Variants in NIM1K observed in about 807,000 individuals in gnomAD.
NIM1K encodes the protein serine/threonine-protein kinase NIM1.
NIM1K carries 35 observed loss-of-function variants against 37.1 expected under a neutral mutation model. The ratio of observed to expected loss-of-function variants is 0.94; its 90% confidence interval spans 0.72 to 1.25. The LOEUF is 1.25. Among genes scored for constraint, NIM1K ranks in the 50% most tolerant of loss-of-function variants. The pLI, the probability that NIM1K is intolerant of heterozygous loss-of-function variation, is 0.00. For missense variants in NIM1K, 564 were observed against 548.0 expected, an observed-to-expected ratio of 1.03 and a Z score of -0.29; for synonymous variants, 234 against 206.6, an observed-to-expected ratio of 1.13 and a Z score of -1.14.
At chr5:43,267,648 G>C (rs1753185412) in intron 2 of NIM1K, among the ~76,000 whole-genome samples, 1 of 152,098 alleles carries the variant, frequency 6.6e-6, no homozygotes, top group Admixed American at 6.6e-5. Flanking sequence ...TGACAACTGT[G>C]TCATATTATC....
chr5:43,217,708 A>ATTTTTTTTTTTTTTTTTTTTTTTTTT, intron 1 of NIM1K, among the ~76,000 whole-genome samples: 1 of 93,648 alleles, frequency 1.1e-5, no homozygotes, highest in Non-Finnish European at 2.0e-5. Context: ...TCCTCTGTCT[A>ATTTTTTTTTTTTTTTTTTTTTTTTTT]TTTTTTTTTT....
intron 1 of NIM1K, among the ~76,000 whole-genome samples, chr5:43,201,522 G>A: frequency 6.6e-6 from 1 of 152,198 alleles, no homozygotes; most frequent in Non-Finnish European, 1.5e-5. Context: ...TGTAATATGA[G>A]GTACAATGCT....
At chr5:43,232,113 C>T (rs1210241955) in intron 1 of NIM1K, 4 of 1,053,650 alleles carry the variant, frequency 3.8e-6, no homozygotes, top group East Asian at 3.4e-5. Flanking sequence ...TTAATGCCAA[C>T]CTTGAAGCCA....
intron 1 of NIM1K, among the ~76,000 whole-genome samples, chr5:43,208,567 A>G (rs140750551): frequency 6.6e-6 from 1 of 152,060 alleles, no homozygotes; most frequent in African/African-American, 2.4e-5. Flanking sequence ...ACGCCACTGC[A>G]TTCCAGCCTG....
At chr5:43,270,707 T>C (rs1753243174) in intron 2 of NIM1K, among the ~76,000 whole-genome samples, 1 of 152,198 alleles carries the variant, frequency 6.6e-6, no homozygotes, top group Non-Finnish European at 1.5e-5. Context: ...TCCAACAGCA[T>C]GGGTGCAGGC....
chr5:43,269,418 A>T (rs1221254187), intron 2 of NIM1K, among the ~76,000 whole-genome samples: 2 of 150,078 alleles, frequency 1.3e-5, no homozygotes, highest in South Asian at 2.1e-4. Flanking sequence ...GTGAATCCTT[A>T]TGCATTAGAT....
chr5:43,216,058 A>G (rs1252133093), intron 1 of NIM1K, among the ~76,000 whole-genome samples: 1 of 151,368 alleles, frequency 6.6e-6, no homozygotes, highest in Non-Finnish European at 1.5e-5. Flanking sequence ...ATTTGAAAAA[A>G]CCAACTCATT....
chr5:43,248,674 C>T (rs1262375504), intron 2 of NIM1K, among the ~76,000 whole-genome samples: 1 of 151,840 alleles, frequency 6.6e-6, no homozygotes, highest in Non-Finnish European at 1.5e-5. Context: ...GGAGACTGCC[C>T]CCAAGATCCA....
rs1190257854 is a variant in NIM1K, at chr5:43,279,980, C to A, written c.562C>A (p.His188Asn). 1.2e-6 allele frequency: 2 copies of A among 1,604,730 alleles called. No individual in the cohort carries two copies. The highest frequency in any genetic ancestry group is 8.5e-7 in the Non-Finnish European group (1 of 1,172,718). ...SQIVSAVKHM[H>N]ENQIIHRDLK... ...CTTTTCTCTATGTCTTCTTCCACAGCATGAAAACCAAATTATTCATAGAGA... is the reference window on the plus strand; with the variant it reads ...CTTTTCTCTATGTCTTCTTCCACAGAATGAAAACCAAATTATTCATAGAGA... The change falls in exon 4 of 4, where the codon CAT becomes AAT. Residue 188 changes from histidine (H) to asparagine (N), a missense_variant and splice_region_variant. Coordinates refer to ENST00000326035, the MANE Select transcript of NIM1K (RefSeq NM_153361.4).
intron 1 of NIM1K, among the ~76,000 whole-genome samples, chr5:43,234,235 GTCATTCTT>G (rs536409761): frequency 7.6e-5 from 8 of 105,562 alleles, no homozygotes; most frequent in East Asian, 2.6e-4. Flanking sequence ...GTCATGTCGT[GTCATTCTT>G]TCATTCATTC....
intron 2 of NIM1K, among the ~76,000 whole-genome samples, chr5:43,273,456 G>A (rs919090346): frequency 2.6e-5 from 4 of 152,008 alleles, no homozygotes; most frequent in East Asian, 1.9e-4. Context: ...TGATCCACCC[G>A]CCTCGGCCTC....
At chr5:43,216,649 G>A (rs1752303979) in intron 1 of NIM1K, among the ~76,000 whole-genome samples, 1 of 152,318 alleles carries the variant, frequency 6.6e-6, no homozygotes, top group Middle Eastern at 3.4e-3. Flanking sequence ...GAGAAGCACT[G>A]AGGTGTCTTC....
At chr5:43,224,751 C>T (rs1206776927) in intron 1 of NIM1K, among the ~76,000 whole-genome samples, 1 of 145,250 alleles carries the variant, frequency 6.9e-6, no homozygotes, top group East Asian at 2.0e-4. Context: ...GGCTTGGGGG[C>T]AGTGGCGCGA....
intron 2 of NIM1K, among the ~76,000 whole-genome samples, chr5:43,248,260 A>G (rs1752813762): frequency 1.3e-5 from 2 of 152,230 alleles, no homozygotes; most frequent in African/African-American, 2.4e-5. Flanking sequence ...TAGGGGAAGT[A>G]GGGTAAAGGG....
At chr5:43,234,244 T>TCATTCATC (rs1415618745) in intron 1 of NIM1K, among the ~76,000 whole-genome samples, 1 of 50,252 alleles carries the variant, frequency 2.0e-5, no homozygotes, top group Non-Finnish European at 5.9e-5. Context: ...TGTCATTCTT[T>TCATTCATC]CATTCATTCA....
chr5:43,210,569 G>T (rs1313428396), intron 1 of NIM1K, among the ~76,000 whole-genome samples: 1 of 152,084 alleles, frequency 6.6e-6, no homozygotes, highest in African/African-American at 2.4e-5. Context: ...CTTCACAGAG[G>T]GACAGAGACT....
intron 1 of NIM1K, among the ~76,000 whole-genome samples, chr5:43,235,373 G>T (rs1207227458): frequency 6.6e-6 from 1 of 152,086 alleles, no homozygotes; most frequent in African/African-American, 2.4e-5. Flanking sequence ...AATACTGGAG[G>T]GTTTGAGTCT....
chr5:43,246,741 G>A (rs1436845667), intron 2 of NIM1K, among the ~76,000 whole-genome samples: 11 of 152,104 alleles, frequency 7.2e-5, no homozygotes. Flanking sequence ...TGAGATTCTG[G>A]ACTAGCAGCG....
intron 1 of NIM1K, among the ~76,000 whole-genome samples, chr5:43,202,213 T>G (rs909084054): frequency 6.6e-6 from 1 of 152,116 alleles, no homozygotes; most frequent in African/African-American, 2.4e-5. Context: ...AAACAGGATC[T>G]CCCTCTGTCA....
Sources: gnomAD v4.1 joint callset for allele counts (sites outside exome capture counted in the v4.1 genomes callset) on GRCh38, gnomAD v4.1.1 for gene constraint, MANE v1.5 for transcripts, NCBI Gene and HGNC (gene_info 2026-07-23, HGNC 2026-07-21) for gene names.